The following ASTN2 variants were observed in gnomAD, a reference collection of about 807,000 sequenced individuals.
ASTN2 encodes the protein astrotactin-2.
ASTN2 carries 54 observed loss-of-function variants against 139.8 expected under a neutral mutation model. The ratio of observed to expected loss-of-function variants is 0.39; its 90% CI spans 0.31 to 0.48. The LOEUF (loss-of-function observed/expected upper bound fraction) is 0.48. Among genes scored for constraint, ASTN2 ranks in the 20% least tolerant of loss-of-function variants. The pLI, the probability that ASTN2 is intolerant of heterozygous loss-of-function variation, is 0.95. For missense variants in ASTN2, 1,565 were observed against 1,725.1 expected (o/e 0.91, Z 1.64); for synonymous variants, 756 against 719.5 (o/e 1.05, Z -0.81).
Position 116,494,502 on chromosome 9 carries a change from G to GT in ASTN2, c.3356-7003dup, listed in dbSNP as rs963758204. ...ATATCTAACTCCCTAAAACCTTCCT[G>GT]TTTTTTTGCAAAAAGAAGACATTTT... On this transcript the variant is annotated intron_variant, in intron 19 of 22. Coordinates refer to ENST00000313400, the MANE Select transcript of ASTN2 (RefSeq NM_001365068.1). Among the ~76,000 whole-genome samples, 28 of 151,750 alleles carry GT rather than the reference G, an allele frequency of 1.8e-4. 1 individual carries two copies. Among genetic ancestry groups the GT allele is most frequent in the African/African-American group, 6.8e-4 (28 of 41,356 alleles).
chr9:117,096,948 C>T (rs1828855577), intron 4 of ASTN2, among the ~76,000 whole-genome samples: 2 of 152,142 alleles, frequency 1.3e-5, no homozygotes, highest in African/African-American at 4.8e-5. Context: ...GGAAGACACA[C>T]AGCGGGAGGC....
At chr9:117,127,155 T>G (rs1428907217) in intron 4 of ASTN2, among the ~76,000 whole-genome samples, 3 of 152,230 alleles carry the variant, frequency 2.0e-5, no homozygotes, top group African/African-American at 7.2e-5. Flanking sequence ...CCTGGGTTGC[T>G]GTAGTTATTG....
chr9:116,870,823 T>C (rs1321337532), intron 10 of ASTN2, among the ~76,000 whole-genome samples: 1 of 152,122 alleles, frequency 6.6e-6, no homozygotes, highest in Non-Finnish European at 1.5e-5. Flanking sequence ...GTGTCACTCA[T>C]AGAGAGATGT....
intron 7 of ASTN2, among the ~76,000 whole-genome samples, chr9:116,979,543 T>A (rs1018470258): frequency 1.3e-5 from 2 of 152,122 alleles, no homozygotes; most frequent in Non-Finnish European, 2.9e-5. Flanking sequence ...ACTAAAGAAG[T>A]GTTAAAATGC....
At chr9:116,839,057 G>A (rs1163966225) in intron 11 of ASTN2, among the ~76,000 whole-genome samples, 1 of 152,144 alleles carries the variant, frequency 6.6e-6, no homozygotes, top group African/African-American at 2.4e-5. Flanking sequence ...CATGGCCAGA[G>A]AAAGCATAAT....
chr9:116,624,417 T>C (rs1462885938), intron 17 of ASTN2, among the ~76,000 whole-genome samples: 3 of 152,188 alleles, frequency 2.0e-5, no homozygotes, highest in Non-Finnish European at 2.9e-5. Flanking sequence ...CCGTGGCTTA[T>C]TAGCAAAGAG....
chr9:116,733,336 C>A, intron 14 of ASTN2, 63 bp downstream of exon 14: 2 of 1,596,400 alleles, frequency 1.3e-6, no homozygotes, highest in South Asian at 1.1e-5. Flanking sequence ...CTGATATGCA[C>A]TAGGTGTGGA....
intron 1 of ASTN2, among the ~76,000 whole-genome samples, chr9:117,360,892 C>T (rs775668522): frequency 9.2e-5 from 14 of 152,182 alleles, no homozygotes; most frequent in Admixed American, 2.6e-4. Context: ...CCCTTCTTTG[C>T]TTCTAATAGA....
chr9:117,168,046 CTTCT>C (rs1295394296), intron 3 of ASTN2, among the ~76,000 whole-genome samples: 3 of 152,086 alleles, frequency 2.0e-5, no homozygotes, highest in Admixed American at 6.6e-5. Flanking sequence ...ACCAAGTCAG[CTTCT>C]TTGAGACTCA....
At chr9:116,669,036 G>A (rs1180166315) in intron 16 of ASTN2, among the ~76,000 whole-genome samples, 4 of 152,100 alleles carry the variant, frequency 2.6e-5, no homozygotes, top group Non-Finnish European at 5.9e-5. Context: ...TCTGGAGGTG[G>A]GGATTCAGAC....
In ASTN2 at chr9:117,291,410, C is replaced by G. The variant is rs765679399; in HGVS notation, c.546G>C (p.Gln182His). ...YFHVSMSSSG[Q>H]LAQATAPTLQ... ...GAGTGGGGGCGGTGGCTTGGGCCAG[C>G]TGCCCGGAGCTGCTCATGGAGACGT... The change falls in exon 2 of 23, where the codon CAG becomes CAC. Residue 182 changes from glutamine to histidine, a missense_variant. Physicochemically the swap from Gln to His is conservative, Grantham distance 24. This residue lies in a region of ASTN2 where 596 missense variants were observed against 576.8 expected (regional missense o/e 1.03). Coordinates refer to ENST00000313400, the MANE Select transcript of ASTN2 (RefSeq NM_001365068.1). 3.7e-6 allele frequency: 6 copies of G among 1,614,242 alleles called. No homozygotes were observed. In the South Asian group the frequency reaches 6.6e-5, roughly 18 times the overall value.
intron 13 of ASTN2, among the ~76,000 whole-genome samples, chr9:116,769,777 G>A (rs1829907198): frequency 6.6e-6 from 1 of 152,138 alleles, no homozygotes; most frequent in Admixed American, 6.5e-5. Context: ...GGGCACAGTG[G>A]CTCATGCCTA....
At chr9:116,986,278 C>T (rs1432938821) in intron 7 of ASTN2, among the ~76,000 whole-genome samples, 1 of 151,842 alleles carries the variant, frequency 6.6e-6, no homozygotes, top group African/African-American at 2.4e-5. Flanking sequence ...CTCCTCCCGA[C>T]CGGATTCATC....
Position 116,717,492 on chromosome 9 carries a change from A to G in ASTN2, c.2806+8279T>C, listed in dbSNP as rs144990931. 5.5e-3 allele frequency among the ~76,000 whole-genome samples: 840 copies of G among 152,234 alleles called. 10 individuals carry two copies. Among genetic ancestry groups the G allele is most frequent in the African/African-American group, 0.018 (737 of 41,520 alleles). ...TCCAGTCTCTCTGCCTTCTGCAAGA[A>G]AACGCTTCCCTAGAGCTAGATTGAT... is the stretch of plus-strand genomic sequence containing the variant. On this transcript the variant is annotated intron_variant, in intron 16 of 22. Transcript: ENST00000313400.
At chr9:117,005,695 T>C (rs1837334153) in intron 7 of ASTN2, among the ~76,000 whole-genome samples, 1 of 152,150 alleles carries the variant, frequency 6.6e-6, no homozygotes. Context: ...CATTTGCTCA[T>C]GAACTTAAAG....
intron 11 of ASTN2, among the ~76,000 whole-genome samples, chr9:116,838,619 G>T (rs1296216288): frequency 2.8e-5 from 4 of 141,938 alleles, no homozygotes; most frequent in African/African-American, 1.1e-4. Flanking sequence ...AGTAGAGATG[G>T]AGTTTCACCA....
At chr9:116,889,275 C>T (rs2132385305) in intron 10 of ASTN2, among the ~76,000 whole-genome samples, 2 of 152,308 alleles carry the variant, frequency 1.3e-5, no homozygotes, top group South Asian at 4.1e-4. Context: ...TGCCATGTCT[C>T]ACCACTATCT....
intron 13 of ASTN2, among the ~76,000 whole-genome samples, chr9:116,797,714 C>A (rs1018329743): frequency 1.3e-5 from 2 of 152,142 alleles, no homozygotes; most frequent in African/African-American, 4.8e-5. Context: ...TCAATGAGAT[C>A]ATCGTCTATT....
chr9:117,408,462 C>T (rs1255118584), intron 1 of ASTN2, among the ~76,000 whole-genome samples: 1 of 152,072 alleles, frequency 6.6e-6, no homozygotes, highest in Non-Finnish European at 1.5e-5. Context: ...TTCAAGAGGT[C>T]GCTGTCAGTC....
Sources: allele counts gnomAD v4.1 joint callset (sites outside exome capture counted in the v4.1 genomes callset), GRCh38; gene constraint gnomAD v4.1.1; regional missense constraint gnomAD v4.1.1; transcripts MANE v1.5; gene names NCBI Gene and HGNC (gene_info 2026-07-23, HGNC 2026-07-21).